PARPBP: variants seen among roughly 807,000 people sequenced by gnomAD.
The protein encoded by PARPBP is PCNA-interacting partner.
A neutral mutation model predicts 50.0 loss-of-function variants in PARPBP; 52 were observed. That is an observed-to-expected ratio of 1.04 (90% CI 0.83 to 1.31). The LOEUF is 1.31. Among genes scored for constraint, PARPBP ranks in the 50% most tolerant of loss-of-function variants. The pLI is 0.00. For synonymous variants in PARPBP, 244 were observed against 232.1 expected (o/e 1.05, Z -0.47); for missense variants, 697 against 672.0 (o/e 1.04, Z -0.41).
chr12:102,155,806 G>A (rs1286265830), intron 4 of PARPBP, among the ~76,000 whole-genome samples: 1 of 152,158 alleles, frequency 6.6e-6, no homozygotes, highest in Admixed American at 6.5e-5. Context: ...TTGCAGACCT[G>A]CTGCTGACTT....
At chr12:102,144,811 C>G (rs1288721640) in intron 2 of PARPBP, among the ~76,000 whole-genome samples, 1 of 152,022 alleles carries the variant, frequency 6.6e-6, no homozygotes, top group Non-Finnish European at 1.5e-5. Flanking sequence ...TGATGTGTAA[C>G]CTTTGTGGGG....
intron 6 of PARPBP, 53 bp downstream of exon 6, chr12:102,165,936 T>C (rs1888098778): frequency 1.7e-6 from 2 of 1,192,114 alleles, no homozygotes; most frequent in Non-Finnish European, 2.4e-6. Context: ...TTTAAAACTT[T>C]ACAGAATTGG....
intron 2 of PARPBP, among the ~76,000 whole-genome samples, chr12:102,128,541 A>G (rs1183461019): frequency 1.3e-5 from 2 of 152,128 alleles, no homozygotes; most frequent in Non-Finnish European, 2.9e-5. Flanking sequence ...TGTAAGTTCA[A>G]CTTTTTAACA....
intron 9 of PARPBP, among the ~76,000 whole-genome samples, chr12:102,194,446 A>G (rs971558722): frequency 6.6e-6 from 1 of 151,970 alleles, no homozygotes; most frequent in Non-Finnish European, 1.5e-5. Context: ...CATCATTTGT[A>G]ATTGTTGAAA....
In PARPBP at chr12:102,195,968, G is replaced by T. The variant is rs1347175547; in HGVS notation, c.1417G>T (p.Val473Phe). 3 of 1,601,478 alleles carry T rather than the reference G, an allele frequency of 1.9e-6. No homozygotes were observed. Among genetic ancestry groups the T allele is most frequent in the East Asian group, 2.2e-5 (1 of 44,686 alleles). Residue 473 changes from valine to phenylalanine, a missense_variant, in exon 11 of 11, where the codon GTT (valine) becomes TTT (phenylalanine). Physicochemically the swap from Val to Phe is conservative, Grantham distance 50. Transcript: ENST00000327680. ...NDLSEGVNPS[V>F]GRSTIGTSFG... ...CATAACAGAGGGTGTAAATCCATCTGTTGGAAGATCAACAATTGGAACGAG... is the reference window on the plus strand; with the variant it reads ...CATAACAGAGGGTGTAAATCCATCTTTTGGAAGATCAACAATTGGAACGAG...
intron 3 of PARPBP, chr12:102,150,201 A>G (rs924735637): frequency 2.6e-5 from 12 of 454,488 alleles, no homozygotes; most frequent in African/African-American, 2.0e-4. Context: ...GAAGTAGAAA[A>G]TGTTCTGCAT....
intron 4 of PARPBP, among the ~76,000 whole-genome samples, chr12:102,162,137 TAAC>T (rs1453389829): frequency 1.3e-5 from 2 of 152,224 alleles, no homozygotes; most frequent in Non-Finnish European, 2.9e-5. Context: ...TGTATATGCT[TAAC>T]AACTATCTAA....
intron 4 of PARPBP, among the ~76,000 whole-genome samples, chr12:102,162,613 G>A (rs987985027): frequency 6.6e-6 from 1 of 152,110 alleles, no homozygotes; most frequent in Non-Finnish European, 1.5e-5. Flanking sequence ...TGGAGCCCAG[G>A]AGTTCAACAC....
intron 3 of PARPBP, chr12:102,152,059 A>G (rs1429820419): frequency 2.4e-6 from 1 of 419,510 alleles, no homozygotes; most frequent in East Asian, 4.7e-5. Context: ...TTTTCTTCCT[A>G]AAAACCAAAG....
chr12:102,126,212 C>G (rs1400375232), intron 2 of PARPBP, among the ~76,000 whole-genome samples: 1 of 152,014 alleles, frequency 6.6e-6, no homozygotes, highest in Non-Finnish European at 1.5e-5. Context: ...TCTCCTTTGT[C>G]TTTCAAAATT....
chr12:102,155,600 G>GA (rs879448493), intron 4 of PARPBP, among the ~76,000 whole-genome samples: 4 of 125,222 alleles, frequency 3.2e-5, no homozygotes, highest in Non-Finnish European at 3.4e-5. Context: ...ATGGTGGGGG[G>GA]GGGGGGCGGG....
At position 102,175,664 on chromosome 12, in the gene PARPBP, C is replaced by G. The variant is rs376977323; in HGVS notation, c.1003C>G (p.Arg335Gly). 1 of 1,582,934 alleles carries G rather than the reference C, an allele frequency of 6.3e-7. No homozygotes were observed. Residue 335 changes from arginine (R) to glycine (G), a missense_variant and splice_region_variant, in exon 7 of 11, where the codon CGG (arginine) becomes GGG (glycine). Coordinates refer to ENST00000327680, the MANE Select transcript of PARPBP (RefSeq NM_017915.5). ...TAGCACCACTGACATCAGTCCTGCT[C>G]GGGTAATGAGCTTTTTATTTTTCAT... ...ALSTTDISPA[R>G]PKSHAINHGT... is the part of the protein sequence containing the mutation.
At chr12:102,138,545 G>A (rs976484485) in intron 2 of PARPBP, among the ~76,000 whole-genome samples, 3 of 150,504 alleles carry the variant, frequency 2.0e-5, no homozygotes, top group Non-Finnish European at 3.0e-5. Context: ...TGGTGTTTTA[G>A]TCATGAAGTC....
chr12:102,155,727 C>G (rs1801918827), intron 4 of PARPBP, among the ~76,000 whole-genome samples: 1 of 152,076 alleles, frequency 6.6e-6, no homozygotes, highest in African/African-American at 2.4e-5. Context: ...ACTGCACACT[C>G]TTCTGGTCCG....
At chr12:102,170,977 G>C (rs1021501616) in intron 6 of PARPBP, among the ~76,000 whole-genome samples, 3 of 141,840 alleles carry the variant, frequency 2.1e-5, no homozygotes, top group Non-Finnish European at 4.5e-5. Flanking sequence ...CATTAGCCTA[G>C]GTCTACACAG....
chr12:102,159,768 A>G (rs1013626200), intron 4 of PARPBP, among the ~76,000 whole-genome samples: 2 of 152,078 alleles, frequency 1.3e-5, no homozygotes, highest in African/African-American at 4.8e-5. Flanking sequence ...GCATTTATGC[A>G]TTGGCAAACA....
At chr12:102,171,321 C>T (rs747099549) in intron 6 of PARPBP, among the ~76,000 whole-genome samples, 4 of 152,086 alleles carry the variant, frequency 2.6e-5, no homozygotes, top group South Asian at 2.1e-4. Flanking sequence ...TTTGTTTACA[C>T]AAGCATCACC....
intron 6 of PARPBP, among the ~76,000 whole-genome samples, chr12:102,167,364 C>T (rs2136297595): frequency 6.6e-6 from 1 of 152,170 alleles, no homozygotes; most frequent in Non-Finnish European, 1.5e-5. Flanking sequence ...TTATCTGCTT[C>T]CTGAATGGTC....
At chr12:102,125,445 C>G (rs907194908) in intron 2 of PARPBP, among the ~76,000 whole-genome samples, 2 of 152,086 alleles carry the variant, frequency 1.3e-5, no homozygotes, top group African/African-American at 4.8e-5. Flanking sequence ...ACCATTTGAG[C>G]AAAGATTTGA....
Sources: gnomAD v4.1 joint callset for allele counts (sites outside exome capture counted in the v4.1 genomes callset) on GRCh38, gnomAD v4.1.1 for gene constraint, MANE v1.5 for transcripts, NCBI Gene and HGNC (gene_info 2026-07-23, HGNC 2026-07-21) for gene names.